HACD1: variants seen among roughly 807,000 people sequenced by gnomAD.
HACD1 encodes very-long-chain (3R)-3-hydroxyacyl-CoA dehydratase 1.
Under a neutral mutation model 32.0 loss-of-function variants are expected in HACD1, and 41 were observed. The observed-to-expected ratio is 1.28, with a 90% confidence interval of 1.00 to 1.66. HACD1 has a LOEUF of 1.66. Ranked by LOEUF, HACD1 falls within the 40% of genes most tolerant of loss-of-function variation. HACD1 has a pLI of 0.00. For missense variants in HACD1, 396 were observed against 380.1 expected, an observed-to-expected ratio of 1.04 and a Z score of -0.35; for synonymous variants, 142 against 139.0, an observed-to-expected ratio of 1.02 and a Z score of -0.15.
At chr10:17,612,845 C>T (rs1157540501) in intron 1 of HACD1, among the ~76,000 whole-genome samples, 1 of 151,266 alleles carries the variant, frequency 6.6e-6, no homozygotes. Context: ...TGGCGAGAAT[C>T]CGGGAGGCGG....
At position 17,607,400 on chromosome 10, in the gene HACD1, C is replaced by T. The variant is rs372766176; in HGVS notation, c.258-3353G>A. On this transcript the variant is annotated intron_variant, in intron 1 of 6. Transcript: ENST00000361271. ...ATCGGAATCATGCTTTAGGTACCTT[C>T]CACAACTAAAGTATTATGATTTCAT... Among the ~76,000 whole-genome samples the T allele has an allele frequency of 6.6e-5, 10 of 152,292 alleles. No homozygotes were observed. The East Asian group carries it at 1.5e-3, about 23-fold the overall frequency.
At chr10:17,607,027 C>CTG (rs1333290593) in intron 1 of HACD1, among the ~76,000 whole-genome samples, 2 of 152,164 alleles carry the variant, frequency 1.3e-5, no homozygotes, top group East Asian at 3.9e-4. Context: ...TAAGTATATA[C>CTG]TGTGCCCTGA....
intron 1 of HACD1, among the ~76,000 whole-genome samples, chr10:17,607,188 G>A (rs1834160054): frequency 6.6e-6 from 1 of 152,146 alleles, no homozygotes; most frequent in South Asian, 2.1e-4. Context: ...TCATCTTCCA[G>A]AACATTCAGT....
At chr10:17,607,724 C>A (rs1040181273) in intron 1 of HACD1, among the ~76,000 whole-genome samples, 1 of 152,116 alleles carries the variant, frequency 6.6e-6, no homozygotes. Context: ...GTATCATGAT[C>A]GTGCCACTCA....
chr10:17,594,767 G>A (rs1554815862), intron 5 of HACD1, among the ~76,000 whole-genome samples: 1 of 151,916 alleles, frequency 6.6e-6, no homozygotes, highest in African/African-American at 2.4e-5. Flanking sequence ...CACCTCCTGG[G>A]TTCAAGTAAT....
intron 6 of HACD1, among the ~76,000 whole-genome samples, chr10:17,593,646 C>A (rs1228353335): frequency 3.3e-5 from 5 of 152,142 alleles, no homozygotes; most frequent in Admixed American, 6.5e-5. Flanking sequence ...TGGAGTAAAG[C>A]CTTACCAATT....
intron 1 of HACD1, among the ~76,000 whole-genome samples, chr10:17,612,576 A>G (rs2131522930): frequency 6.6e-6 from 1 of 152,322 alleles, no homozygotes; most frequent in Non-Finnish European, 1.5e-5. Flanking sequence ...TCACTATTCA[A>G]ATTAAGATGA....
intron 1 of HACD1, among the ~76,000 whole-genome samples, chr10:17,612,396 A>C (rs1469621190): frequency 3.3e-5 from 5 of 152,246 alleles, no homozygotes; most frequent in African/African-American, 9.6e-5. Context: ...GCTGTAATAC[A>C]TTCACTCATT....
At chr10:17,608,175 C>T (rs530330767) in intron 1 of HACD1, among the ~76,000 whole-genome samples, 2 of 152,046 alleles carry the variant, frequency 1.3e-5, no homozygotes, top group African/African-American at 2.4e-5. Context: ...ATACCTGGCT[C>T]ATTATTGTTC....
intron 1 of HACD1, among the ~76,000 whole-genome samples, chr10:17,604,622 A>T (rs889620875): frequency 6.6e-6 from 1 of 152,168 alleles, no homozygotes; most frequent in Non-Finnish European, 1.5e-5. Context: ...TAGGCACAAA[A>T]GGACTAATAC....
chr10:17,604,104 C>T lies in HACD1; in HGVS notation c.258-57G>A, dbSNP rs1784007560. The T allele has an allele frequency of 4.8e-6, 6 of 1,241,830 alleles. No homozygotes were observed. The South Asian group carries it at 7.2e-5, about 15-fold the overall frequency. 76.9% of individuals were successfully genotyped at this position (1,241,830 alleles called of 1,614,324 possible). On this transcript the variant is annotated intron_variant, in intron 1 of 6. Coordinates refer to ENST00000361271, the MANE Select transcript of HACD1 (RefSeq NM_014241.4). ...TCGAACTTAATACCACTGATTTATA[C>T]ATTTGTGTTTACAGCAGCGTTATTC...
chr10:17,599,211 G>T lies in HACD1; in HGVS notation c.605+79C>A, dbSNP rs1226368895. Reference sequence around the variant, plus strand: ...TTCTGGCATCGTGGGGCTGAAACACGAATTTTAATTCTCTGGCGTTAGCAC... The same window carrying T: ...TTCTGGCATCGTGGGGCTGAAACACTAATTTTAATTCTCTGGCGTTAGCAC... On this transcript the variant is annotated intron_variant, in intron 5 of 6. Coordinates refer to ENST00000361271, the MANE Select transcript of HACD1 (RefSeq NM_014241.4). The T allele has an allele frequency of 2.6e-6, 4 of 1,556,426 alleles. No individual in the cohort carries two copies. In the African/African-American group the frequency reaches 5.4e-5, roughly 21 times the overall value.
chr10:17,604,029 A>G lies in HACD1; in HGVS notation c.276T>C (p.Ile92=). 2 of 1,591,578 alleles carry G rather than the reference A, an allele frequency of 1.3e-6. No individual in the cohort carries two copies. Among genetic ancestry groups the G allele is most frequent in the Non-Finnish European group, 1.7e-6 (2 of 1,173,318 alleles). ...TTTCCATATAAAAACGTACCATGGC[A>G]ATAGCTAGAACCAACCACCTAAAAA... is the stretch of plus-strand genomic sequence containing the variant. ...AMTAGWLVLA[I]AMVRFYMEKG... is the part of the protein sequence containing the mutation. Residue 92 remains isoleucine, a synonymous_variant, in exon 2 of 7, where the codon ATT becomes ATC. Transcript: ENST00000361271.
rs2131499475 is a variant in HACD1 at position 17,589,911 on chromosome 10, T to G, written c.*453A>C. 1 of 151,596 alleles carries G rather than the reference T, an allele frequency of 6.6e-6. No homozygotes were observed. Among genetic ancestry groups the G allele is most frequent in the South Asian group, 2.1e-4 (1 of 4,786 alleles). The allele number at this position is 151,596 out of a possible 1,614,324, so 9.4% of individuals were successfully genotyped here. On this transcript the variant is annotated 3_prime_UTR_variant, in exon 7 of 7. Transcript: ENST00000361271. The stretch of plus-strand genomic sequence containing the variant: ...ATTAGTCATAATGCTGCCTTATTCC[T>G]GAAAAAATAGATTGTGGGTTCAAAA...
At position 17,617,167 on chromosome 10, in the gene HACD1, T is replaced by C. The variant is rs1554818234; in HGVS notation, c.173A>G (p.Asp58Gly). The C allele has an allele frequency of 6.6e-7, 1 of 1,505,568 alleles. No individual in the cohort carries two copies. The highest frequency in any genetic ancestry group is 1.4e-5 in the African/African-American group (1 of 69,310). 93.3% of individuals were successfully genotyped at this position (1,505,568 alleles called of 1,614,324 possible). Residue 58 changes from aspartate to glycine, a missense_variant, in exon 1 of 7, where the codon GAC becomes GGC. By Grantham distance (94) the Asp-to-Gly change is moderately conservative (BLOSUM62 -1). Transcript: ENST00000361271. ...TNGGASEAGE[D>G]REAPGERRRL... ...CCTCCGCTCGCCGGGAGCCTCCCGG[T>C]CCTCGCCGGCCTCCGAGGCGCCGCC...
At chr10:17,613,717 G>C (rs1294533990) in intron 1 of HACD1, among the ~76,000 whole-genome samples, 1 of 152,212 alleles carries the variant, frequency 6.6e-6, no homozygotes, top group Admixed American at 6.5e-5. Context: ...ATTTGCCGGG[G>C]AAGGGTCAGA....
chr10:17,603,615 A>ACC lies in HACD1; in HGVS notation c.426_427dup (p.Val143GlyfsTer4), dbSNP rs1554816734. 6.2e-7 allele frequency: 1 copy of ACC among 1,613,676 alleles called. No homozygotes were observed. The highest frequency in any genetic ancestry group is 1.7e-5 in the Admixed American group (1 of 60,012). ...CATAAAGATTCTTGAACTCACTTGG[A>ACC]CCCCAGTCACAATCACAGAAGTAGG... On this transcript the variant is annotated frameshift_variant, in exon 4 of 7. Transcript: ENST00000361271. LOFTEE classifies it high-confidence loss of function.
chr10:17,600,256 G>T (rs569522152), intron 4 of HACD1, among the ~76,000 whole-genome samples: 1 of 151,974 alleles, frequency 6.6e-6, no homozygotes, highest in Non-Finnish European at 1.5e-5. Flanking sequence ...AAAACATCTC[G>T]CCCTCTAGAA....
chr10:17,592,697 G>A (rs1554815678), intron 6 of HACD1, among the ~76,000 whole-genome samples: 1 of 152,204 alleles, frequency 6.6e-6, no homozygotes, highest in African/African-American at 2.4e-5. Context: ...AGACACCGAA[G>A]CAAGCTCTGG....
Sources: allele counts gnomAD v4.1 joint callset (sites outside exome capture counted in the v4.1 genomes callset), GRCh38; gene constraint gnomAD v4.1.1; transcripts MANE v1.5; gene names NCBI Gene and HGNC (gene_info 2026-07-23, HGNC 2026-07-21).